The following PTPRN2 variants were observed in gnomAD, a reference collection of about 807,000 sequenced individuals.
PTPRN2 encodes protein tyrosine phosphatase receptor type N2, also known as receptor-type tyrosine-protein phosphatase N2.
A neutral mutation model predicts 118.8 loss-of-function variants in PTPRN2; 74 were observed. The observed-to-expected ratio is 0.62, with a 90% confidence interval of 0.52 to 0.76. PTPRN2 has a LOEUF of 0.76. PTPRN2 is among the 30% of genes least tolerant of loss of function. The pLI, the probability that PTPRN2 is intolerant of heterozygous loss-of-function variation, is 0.00. For missense variants in PTPRN2, 1,481 were observed against 1,394.4 expected (o/e 1.06, Z -0.99); for synonymous variants, 641 against 608.0 (o/e 1.05, Z -0.80).
intron 3 of PTPRN2, among the ~76,000 whole-genome samples, chr7:158,290,212 A>G (rs59971547): frequency 0.26 from 40,023 of 151,742 alleles, 5,627 homozygotes; most frequent in East Asian, 0.42. Context: ...CCAGGGGTCT[A>G]TTGGAGTGGG....
chr7:157,811,928 A>T (rs1009586899), intron 12 of PTPRN2, among the ~76,000 whole-genome samples: 1 of 152,150 alleles, frequency 6.6e-6, no homozygotes, highest in Admixed American at 6.5e-5. Flanking sequence ...TGAGTCTCCG[A>T]CAGGTGATAG....
chr7:157,695,686 G>A (rs895153471), intron 12 of PTPRN2, among the ~76,000 whole-genome samples: 1 of 152,236 alleles, frequency 6.6e-6, no homozygotes, highest in Non-Finnish European at 1.5e-5. Context: ...ACTCTGAGTT[G>A]AAATGTATTA....
intron 11 of PTPRN2, among the ~76,000 whole-genome samples, chr7:157,983,654 C>T (rs1262385612): frequency 6.6e-6 from 1 of 152,174 alleles, no homozygotes; most frequent in Non-Finnish European, 1.5e-5. Context: ...CTGCATGCCC[C>T]GGAGGAGTAG....
At position 157,787,623 on chromosome 7, in the gene PTPRN2, A is replaced by G. The variant is rs1418107275; in HGVS notation, c.1789-104686T>C. ...GGAGAGTGGCCGTGACCTGGAGGAC[A>G]AGGACATGCATTTCACACTGACCGG... On this transcript the variant is annotated intron_variant, in intron 12 of 22. Transcript: ENST00000389418. The surrounding 1 kb of genome is among the most constrained non-coding windows in gnomAD (Gnocchi z 5.3). Among the ~76,000 whole-genome samples the G allele has an allele frequency of 2.0e-5, 3 of 152,052 alleles. No homozygotes were observed.
rs529892571 is a variant in PTPRN2, at chr7:157,769,621, C to T, written c.1789-86684G>A. Among the ~76,000 whole-genome samples, 24 of 152,308 alleles carry T rather than the reference C, an allele frequency of 1.6e-4. 3 individuals carry two copies. Among genetic ancestry groups the T allele is most frequent in the African/African-American group, 3.8e-4 (16 of 41,564 alleles). On this transcript the variant is annotated intron_variant, in intron 12 of 22. Transcript: ENST00000389418. Reference sequence around the variant, plus strand: ...GTTGGGCTTGGCTTTAGCCACGCCACGGGCTCCCTTGGTCCTGCATAAAAC... The same window carrying T: ...GTTGGGCTTGGCTTTAGCCACGCCATGGGCTCCCTTGGTCCTGCATAAAAC...
intron 1 of PTPRN2, among the ~76,000 whole-genome samples, chr7:158,567,011 A>T (rs1051310310): frequency 1.3e-5 from 2 of 152,226 alleles, no homozygotes; most frequent in African/African-American, 4.8e-5. Flanking sequence ...ACCATGCCCA[A>T]CCAAAAGATT....
intron 3 of PTPRN2, among the ~76,000 whole-genome samples, chr7:158,300,014 C>T (rs1800773244): frequency 6.6e-6 from 1 of 152,192 alleles, no homozygotes; most frequent in African/African-American, 2.4e-5. Context: ...ACCATTTCCT[C>T]CCAAGAAACA....
At chr7:158,557,348 A>G (rs113484651) in intron 1 of PTPRN2, among the ~76,000 whole-genome samples, 6,602 of 93,260 alleles carry the variant, frequency 0.071, 186 homozygotes, top group Middle Eastern at 0.089. Flanking sequence ...CGCAGGTCAG[A>G]CGGCTCCCAC....
chr7:157,620,555 T>C (rs1803100888), intron 15 of PTPRN2, among the ~76,000 whole-genome samples: 1 of 152,208 alleles, frequency 6.6e-6, no homozygotes, highest in Admixed American at 6.5e-5. Context: ...ACAGCAGTAA[T>C]ACTTCAAGGA....
chr7:158,122,695 G>A (rs1390817927), intron 9 of PTPRN2, among the ~76,000 whole-genome samples: 6 of 152,170 alleles, frequency 3.9e-5, no homozygotes, highest in Admixed American at 2.6e-4. Context: ...AAGAGAAACC[G>A]AGGCTAGAGA....
rs1806414005 is a variant in PTPRN2 at position 158,015,867 on chromosome 7, G to A, written c.1723+65431C>T. ...AGACACGGAAGCCGCGATCGAGGAG[G>A]AGGGGGAACAAAAGGGTCAGCTTCC... On this transcript the variant is annotated intron_variant, in intron 11 of 22. Transcript: ENST00000389418. This position sits in a 1 kb window ranked among gnomAD's most constrained non-coding sequence, Gnocchi z 4.2. Among the ~76,000 whole-genome samples, 1 of 152,212 alleles carries A rather than the reference G, an allele frequency of 6.6e-6. No homozygotes were observed. Among genetic ancestry groups the A allele is most frequent in the Non-Finnish European group, 1.5e-5 (1 of 68,048 alleles).
chr7:157,610,263 C>T lies in PTPRN2; in HGVS notation c.2345-6188G>A, dbSNP rs1802252714. Among the ~76,000 whole-genome samples the T allele has an allele frequency of 3.3e-5, 5 of 152,160 alleles. No homozygotes were observed. Among genetic ancestry groups the T allele is most frequent in the Admixed American group, 3.3e-4 (5 of 15,270 alleles). Reference sequence around the variant, plus strand: ...GGGTTCCCTCCTCCCAGGGGCCTCACGGAACTCGGCAATGGGGTTCCTTCC... The same window carrying T: ...GGGTTCCCTCCTCCCAGGGGCCTCATGGAACTCGGCAATGGGGTTCCTTCC... On this transcript the variant is annotated intron_variant, in intron 15 of 22. Coordinates refer to ENST00000389418, the MANE Select transcript of PTPRN2 (RefSeq NM_002847.5). The surrounding 1 kb of genome is among the most constrained non-coding windows in gnomAD (Gnocchi z 5.1).
At chr7:158,486,664 T>C (rs1821052938) in intron 2 of PTPRN2, among the ~76,000 whole-genome samples, 1 of 152,222 alleles carries the variant, frequency 6.6e-6, no homozygotes, top group African/African-American at 2.4e-5. Context: ...CAATCACGAC[T>C]TCCTCCTGAG....
intron 12 of PTPRN2, among the ~76,000 whole-genome samples, chr7:157,793,371 TGGA>T (rs1804645901): frequency 6.6e-6 from 1 of 151,676 alleles, no homozygotes; most frequent in Non-Finnish European, 1.5e-5. Flanking sequence ...GGGTGCTCTG[TGGA>T]CCCCCTGTGT....
intron 12 of PTPRN2, among the ~76,000 whole-genome samples, chr7:157,730,108 A>G (rs1799808836): frequency 1.3e-5 from 2 of 152,238 alleles, no homozygotes; most frequent in South Asian, 4.1e-4. Context: ...AATTTTAACC[A>G]AGTAGGGACA....
intron 11 of PTPRN2, among the ~76,000 whole-genome samples, chr7:158,035,132 T>C (rs1808001004): frequency 6.6e-6 from 1 of 152,248 alleles, no homozygotes; most frequent in Non-Finnish European, 1.5e-5. Flanking sequence ...ATAGTCAGTG[T>C]GTTTACACGC....
chr7:157,657,626 A>G (rs1795627233), intron 13 of PTPRN2, among the ~76,000 whole-genome samples: 1 of 123,860 alleles, frequency 8.1e-6, no homozygotes, highest in Admixed American at 7.9e-5. Flanking sequence ...ACATATACAC[A>G]CACACACCAC....
At chr7:158,311,997 GCACA>G (rs540856028) in intron 3 of PTPRN2, among the ~76,000 whole-genome samples, 4 of 146,840 alleles carry the variant, frequency 2.7e-5, no homozygotes, top group African/African-American at 1.0e-4. Context: ...CCACACACAT[GCACA>G]CACACCTGCA....
intron 21 of PTPRN2, among the ~76,000 whole-genome samples, chr7:157,562,515 T>C (rs543031515): frequency 6.6e-6 from 1 of 152,200 alleles, no homozygotes; most frequent in African/African-American, 2.4e-5. Flanking sequence ...TTTTAGTGAC[T>C]CTAAGGAACC....
Sources: allele counts gnomAD v4.1 joint callset (sites outside exome capture counted in the v4.1 genomes callset), GRCh38; gene constraint gnomAD v4.1.1; non-coding constraint Gnocchi (gnomAD v3.1); transcripts MANE v1.5; gene names NCBI Gene and HGNC (gene_info 2026-07-23, HGNC 2026-07-21).